Variants in ROR1 observed in about 807,000 individuals in gnomAD.
The protein encoded by ROR1 is inactive tyrosine-protein kinase transmembrane receptor ROR1.
In ROR1, 19 loss-of-function variants were observed where a neutral mutation model predicts 78.8. The ratio of observed to expected loss-of-function variants is 0.24; its 90% CI spans 0.17 to 0.35. ROR1 has a LOEUF of 0.35. ROR1 is among the 10% of genes least tolerant of loss of function. ROR1 has a pLI of 1.00. For synonymous variants in ROR1, 386 were observed against 433.6 expected, an observed-to-expected ratio of 0.89 and a Z score of 1.36; for missense variants, 917 against 1,177.8, an observed-to-expected ratio of 0.78 and a Z score of 3.24.
At chr1:64,138,939 G>A (rs1171889339) in intron 5 of ROR1, among the ~76,000 whole-genome samples, 2 of 152,066 alleles carry the variant, frequency 1.3e-5, no homozygotes, top group African/African-American at 2.4e-5. Flanking sequence ...GAGGTGGGCA[G>A]ATCACTTGAG....
At chr1:64,172,855 T>A (rs995051764) in intron 8 of ROR1, among the ~76,000 whole-genome samples, 17 of 152,174 alleles carry the variant, frequency 1.1e-4, no homozygotes, top group Non-Finnish European at 2.4e-4. Context: ...TTCACTTTCA[T>A]TACTAAAATA....
At chr1:64,168,910 G>A (rs1323407491) in intron 8 of ROR1, among the ~76,000 whole-genome samples, 1 of 152,220 alleles carries the variant, frequency 6.6e-6, no homozygotes, top group Admixed American at 6.5e-5. Context: ...CTCAAAGTGA[G>A]GCCTCTAGGC....
At chr1:64,084,588 C>T (rs1358241152) in intron 4 of ROR1, among the ~76,000 whole-genome samples, 8 of 152,172 alleles carry the variant, frequency 5.3e-5, no homozygotes, top group East Asian at 1.9e-4. Context: ...TTAGTCTTAG[C>T]CAGAAGTGGC....
intron 1 of ROR1, among the ~76,000 whole-genome samples, chr1:63,841,859 A>T (rs2100315033): frequency 6.6e-6 from 1 of 152,152 alleles, no homozygotes; most frequent in East Asian, 1.9e-4. Flanking sequence ...GATGCTAATG[A>T]CCCCTATATA....
intron 1 of ROR1, among the ~76,000 whole-genome samples, chr1:63,966,259 A>C (rs1646074885): frequency 6.6e-6 from 1 of 152,208 alleles, no homozygotes; most frequent in Non-Finnish European, 1.5e-5. Context: ...AGAGCTGTCA[A>C]AGCGACAGTC....
At chr1:64,070,334 T>G (rs1413839526) in intron 4 of ROR1, among the ~76,000 whole-genome samples, 1 of 152,160 alleles carries the variant, frequency 6.6e-6, no homozygotes, top group East Asian at 1.9e-4. Context: ...TTCAGTTTTT[T>G]GTTTTGTTTT....
At position 64,140,413 on chromosome 1, in the gene ROR1, T is replaced by G. The variant is rs770943198; in HGVS notation, c.915T>G (p.Asp305Glu). ...TCCGGATTGGAATTCCCATGGCAGA[T>G]CCTATAAATAAAAGTAAGTGGTAGC... The part of the protein sequence containing the change: ...NCIRIGIPMA[D>E]PINKNHKCYN... The change falls in exon 6 of 9, where the codon GAT (aspartate) becomes GAG (glutamate). Residue 305 changes from aspartate to glutamate, a missense_variant. Transcript: ENST00000371079. 52 of 1,612,990 alleles carry G rather than the reference T, an allele frequency of 3.2e-5. No homozygotes were observed. Among genetic ancestry groups the G allele is most frequent in the Non-Finnish European group, 4.3e-5 (51 of 1,179,182 alleles).
intron 4 of ROR1, among the ~76,000 whole-genome samples, chr1:64,101,170 A>G (rs1226678060): frequency 2.0e-5 from 3 of 152,186 alleles, no homozygotes; most frequent in Non-Finnish European, 4.4e-5. Context: ...CTCTGTGCAG[A>G]AAGTAAACAG....
intron 2 of ROR1, among the ~76,000 whole-genome samples, chr1:64,037,348 G>T (rs978512809): frequency 6.6e-6 from 1 of 152,168 alleles, no homozygotes; most frequent in Non-Finnish European, 1.5e-5. Context: ...TCAGCTGGAA[G>T]CCATGATTTT....
chr1:64,122,769 T>C (rs757201925), intron 4 of ROR1, among the ~76,000 whole-genome samples: 1 of 152,316 alleles, frequency 6.6e-6, no homozygotes, highest in East Asian at 1.9e-4. Context: ...CTCACATCTC[T>C]AGCTCCTTCA....
intron 2 of ROR1, 128 bp from the exon 3 acceptor site, chr1:64,049,563 G>T: frequency 2.5e-6 from 2 of 790,980 alleles, no homozygotes; most frequent in Admixed American, 4.6e-5. Context: ...TTCTTTCCTT[G>T]TCTGTCTCAC....
chr1:63,967,075 T>A (rs1442272371), intron 1 of ROR1, among the ~76,000 whole-genome samples: 1 of 152,188 alleles, frequency 6.6e-6, no homozygotes, highest in East Asian at 1.9e-4. Flanking sequence ...GGACTTGATA[T>A]GATTTAGGAG....
chr1:64,140,843 G>C (rs1649289317), intron 6 of ROR1, among the ~76,000 whole-genome samples: 2 of 152,304 alleles, frequency 1.3e-5, no homozygotes, highest in East Asian at 3.9e-4. Flanking sequence ...GGTATATCCA[G>C]ACAGTGAAAC....
chr1:63,817,140 G>A (rs910240231), intron 1 of ROR1, among the ~76,000 whole-genome samples: 1 of 152,224 alleles, frequency 6.6e-6, no homozygotes, highest in African/African-American at 2.4e-5. Flanking sequence ...AATGTGGAAT[G>A]TGTCTTCTGG....
At chr1:63,935,159 A>T (rs1388729885) in intron 1 of ROR1, among the ~76,000 whole-genome samples, 3 of 151,538 alleles carry the variant, frequency 2.0e-5, no homozygotes, top group Non-Finnish European at 4.4e-5. Context: ...TGCCAACACC[A>T]CCACCAAAGA....
intron 1 of ROR1, among the ~76,000 whole-genome samples, chr1:63,875,308 A>T (rs1335049514): frequency 1.3e-5 from 2 of 152,206 alleles, no homozygotes; most frequent in Admixed American, 1.3e-4. Context: ...ACAATGAAAA[A>T]CGTCCAGGTC....
intron 1 of ROR1, among the ~76,000 whole-genome samples, chr1:63,998,969 C>G (rs1041989905): frequency 6.6e-6 from 1 of 152,200 alleles, no homozygotes; most frequent in African/African-American, 2.4e-5. Flanking sequence ...CTCTCTCATC[C>G]TCTCTTGCCA....
At position 63,855,944 on chromosome 1, in the gene ROR1, A is replaced by C. The variant is rs547113633; in HGVS notation, c.91+81436A>C. 7.2e-5 allele frequency among the ~76,000 whole-genome samples: 11 copies of C among 152,142 alleles called. No homozygotes were observed. The South Asian group carries it at 2.3e-3, about 32-fold the overall frequency. Reference sequence around the variant, plus strand: ...AGTGCTGGGATTACAGGTGTGAGCTACCACGCCCTGCTGATGTAGCTCTTT... The same window carrying C: ...AGTGCTGGGATTACAGGTGTGAGCTCCCACGCCCTGCTGATGTAGCTCTTT... On this transcript the variant is annotated intron_variant, in intron 1 of 8. Coordinates refer to ENST00000371079, the MANE Select transcript of ROR1 (RefSeq NM_005012.4).
intron 1 of ROR1, among the ~76,000 whole-genome samples, chr1:63,860,704 G>A (rs1481388904): frequency 6.6e-6 from 1 of 150,792 alleles, no homozygotes; most frequent in Non-Finnish European, 1.5e-5. Flanking sequence ...GGGAGGTGGA[G>A]GTTGCAGTGA....
Sources: gnomAD v4.1 joint callset for allele counts (sites outside exome capture counted in the v4.1 genomes callset) on GRCh38, gnomAD v4.1.1 for gene constraint, MANE v1.5 for transcripts, NCBI Gene and HGNC (gene_info 2026-07-23, HGNC 2026-07-21) for gene names.